Variants in ESCO1 observed in about 807,000 individuals in gnomAD.
ESCO1 encodes the protein N-acetyltransferase ESCO1.
Under a neutral mutation model 83.5 loss-of-function variants are expected in ESCO1, and 33 were observed. That is an observed-to-expected ratio of 0.40 (90% confidence interval 0.30 to 0.53). ESCO1 has a LOEUF of 0.53. ESCO1 is among the 20% of genes least tolerant of loss of function. The probability of loss-of-function intolerance (pLI) is 0.63; values close to 1 mark genes in which losing one functional copy is unlikely to be tolerated. For synonymous variants in ESCO1, 332 were observed against 324.3 expected (o/e 1.02, Z -0.25); for missense variants, 855 against 968.0 (o/e 0.88, Z 1.55).
chr18:21,589,439 TTAAA>T (rs2038630674), intron 1 of ESCO1, among the ~76,000 whole-genome samples: 1 of 152,064 alleles, frequency 6.6e-6, no homozygotes, highest in African/African-American at 2.4e-5. Context: ...TTTATTGCCC[TTAAA>T]TAGTCTCCTA....
chr18:21,596,036 A>T (rs2038762198), intron 1 of ESCO1, among the ~76,000 whole-genome samples: 1 of 151,918 alleles, frequency 6.6e-6, no homozygotes, highest in African/African-American at 2.4e-5. Flanking sequence ...CAAAGACTAT[A>T]CTATTTATGG....
At chr18:21,597,580 AAATT>A (rs2038784650) in intron 1 of ESCO1, among the ~76,000 whole-genome samples, 1 of 152,072 alleles carries the variant, frequency 6.6e-6, no homozygotes, top group South Asian at 2.1e-4. Context: ...AATATATATG[AAATT>A]AATTCCTAAT....
At chr18:21,536,318 G>GAACCACCACACCCA in intron 9 of ESCO1, 133 bp from the exon 10 acceptor site, 3 of 1,033,466 alleles carry the variant, frequency 2.9e-6, no homozygotes, top group Non-Finnish European at 4.1e-6. Flanking sequence ...GGCTGGGTGT[G>GAACCACCACACCCA]GTGGTTCACA....
In ESCO1 at chr18:21,575,643, A is replaced by C. The variant is rs548805576; in HGVS notation, c.-588+29T>G. 28 of 398,388 alleles carry C rather than the reference A, an allele frequency of 7.0e-5. No homozygotes were observed. The South Asian group carries it at 3.6e-3, about 51-fold the overall frequency. The allele number at this position is 398,388 out of a possible 1,614,324, so 24.7% of individuals were successfully genotyped here. A position where few individuals can be genotyped will look rare whatever the true frequency, so the allele number is the denominator to read the frequency against. Reference sequence around the variant, plus strand: ...CTTACATAAGCATAGAATAGTTGAAAATCAGTGTATTCCTTGAGGTTTACT... The same window carrying C: ...CTTACATAAGCATAGAATAGTTGAACATCAGTGTATTCCTTGAGGTTTACT... On this transcript the variant is annotated intron_variant, in intron 3 of 11. Transcript: ENST00000269214.
At chr18:21,560,416 A>G (rs922542569) in intron 8 of ESCO1, among the ~76,000 whole-genome samples, 4 of 151,434 alleles carry the variant, frequency 2.6e-5, no homozygotes, top group Admixed American at 6.6e-5. Context: ...AACCCTCATG[A>G]TAACAAAGAG....
chr18:21,594,325 T>C (rs6508492), intron 1 of ESCO1, among the ~76,000 whole-genome samples: 48,385 of 152,124 alleles, frequency 0.32, 10,560 homozygotes, highest in African/African-American at 0.58. Context: ...AGCTGGTGAA[T>C]TGTTCTTCAG....
chr18:21,560,740 A>G, intron 8 of ESCO1, 119 bp downstream of exon 8: 2 of 1,239,708 alleles, frequency 1.6e-6, no homozygotes, highest in East Asian at 2.5e-5. Flanking sequence ...TGCTTTGTAC[A>G]TATTATTATC....
intron 8 of ESCO1, among the ~76,000 whole-genome samples, chr18:21,560,653 A>G (rs543452635): frequency 3.3e-5 from 5 of 152,170 alleles, no homozygotes; most frequent in Non-Finnish European, 7.4e-5. Context: ...AAATCCCACA[A>G]CATAAACCAG....
chr18:21,561,732 G>A (rs1403227647), intron 7 of ESCO1, among the ~76,000 whole-genome samples: 1 of 150,226 alleles, frequency 6.7e-6, no homozygotes, highest in Non-Finnish European at 1.5e-5. Context: ...CTCGCCACCT[G>A]GCTAATTTTT....
intron 8 of ESCO1, chr18:21,540,759 C>A: frequency 8.4e-7 from 1 of 1,184,830 alleles, no homozygotes; most frequent in Non-Finnish European, 1.1e-6. Flanking sequence ...TGGGACTGAA[C>A]CAGAGGTTAA....
chr18:21,581,472 A>G (rs2038501417), intron 2 of ESCO1, among the ~76,000 whole-genome samples: 1 of 151,952 alleles, frequency 6.6e-6, no homozygotes. Flanking sequence ...TTAGCTGGGC[A>G]TGGTCATGGG....
At chr18:21,587,801 C>A (rs1436603539) in intron 1 of ESCO1, among the ~76,000 whole-genome samples, 1 of 152,088 alleles carries the variant, frequency 6.6e-6, no homozygotes, top group Non-Finnish European at 1.5e-5. Flanking sequence ...GGTGTGGTGG[C>A]ACACACCTAT....
intron 6 of ESCO1, 79 bp from the exon 7 acceptor site, chr18:21,564,396 T>TA: frequency 1.9e-6 from 2 of 1,036,964 alleles, no homozygotes; most frequent in Non-Finnish European, 2.8e-6. Flanking sequence ...TAACTTATTT[T>TA]CTTTTTTTTT....
At chr18:21,582,392 G>A (rs556769757) in intron 2 of ESCO1, among the ~76,000 whole-genome samples, 1 of 152,182 alleles carries the variant, frequency 6.6e-6, no homozygotes, top group South Asian at 2.1e-4. Context: ...ACCATGCACA[G>A]GTAATTTTTT....
chr18:21,534,475 G>A (rs952385315), intron 10 of ESCO1, among the ~76,000 whole-genome samples: 1 of 152,174 alleles, frequency 6.6e-6, no homozygotes, highest in African/African-American at 2.4e-5. Flanking sequence ...AGAAGCTTCT[G>A]TTCTCTTAGA....
intron 6 of ESCO1, 57 bp downstream of exon 6, chr18:21,566,089 A>C: frequency 6.6e-7 from 1 of 1,524,682 alleles, no homozygotes; most frequent in Middle Eastern, 1.8e-4. Context: ...AGAATCCCCT[A>C]AACTCAAAAC....
At chr18:21,568,669 G>A (rs1339888335) in intron 4 of ESCO1, among the ~76,000 whole-genome samples, 26 of 152,152 alleles carry the variant, frequency 1.7e-4, no homozygotes, top group South Asian at 4.2e-4. Context: ...TTGGGAGGCC[G>A]AGACGGGCGG....
In ESCO1 at chr18:21,536,167, T is replaced by C. The variant is rs377543839; in HGVS notation, c.2062A>G (p.Met688Val). The change falls in exon 10 of 12, where the codon ATG (methionine) becomes GTG (valine). Residue 688 changes from methionine to valine, a missense_variant. By Grantham distance (21) the Met-to-Val change is conservative. Transcript: ENST00000269214. The stretch of plus-strand genomic sequence containing the variant: ...TGAAAACCTAAATCATTGTCAACCA[T>C]CTCTCTAATCTCGTCAACCTGCCAA... ...ALKKVDEIREMVDNDLGFQQA... is the reference protein window; with the variant it reads ...ALKKVDEIREVVDNDLGFQQA... 6.2e-6 allele frequency: 10 copies of C among 1,611,612 alleles called. No homozygotes were observed.
intron 8 of ESCO1, among the ~76,000 whole-genome samples, chr18:21,554,520 A>G (rs1170499404): frequency 1.3e-5 from 2 of 152,126 alleles, no homozygotes; most frequent in East Asian, 3.8e-4. Flanking sequence ...TAATGCCAAC[A>G]CTTTGGGAGC....
Sources: allele counts gnomAD v4.1 joint callset (sites outside exome capture counted in the v4.1 genomes callset), GRCh38; gene constraint gnomAD v4.1.1; transcripts MANE v1.5; gene names NCBI Gene and HGNC (gene_info 2026-07-23, HGNC 2026-07-21).